Variants in ARHGAP15 observed in about 807,000 individuals in gnomAD.
ARHGAP15 encodes Rho GTPase activating protein 15.
A neutral mutation model predicts 63.7 loss-of-function variants in ARHGAP15; 51 were observed. The observed-to-expected ratio is 0.80, with a 90% CI of 0.64 to 1.01. The LOEUF is 1.01. Among genes scored for constraint, ARHGAP15 ranks in the 50% least tolerant of loss-of-function variants. The probability of loss-of-function intolerance (pLI) is 0.00; values close to 1 mark genes in which losing one functional copy is unlikely to be tolerated. For missense variants in ARHGAP15, 560 were observed against 564.6 expected (o/e 0.99, Z 0.08); for synonymous variants, 191 against 193.8 (o/e 0.99, Z 0.12).
intron 11 of ARHGAP15, among the ~76,000 whole-genome samples, chr2:143,619,363 G>A (rs759523138): frequency 7.2e-5 from 11 of 152,110 alleles, no homozygotes; most frequent in Non-Finnish European, 1.3e-4. Flanking sequence ...CAACATTTAG[G>A]TTGTGTGTGT....
chr2:143,129,516 G>A (rs933461837), intron 1 of ARHGAP15, 50 bp downstream of exon 1: 2 of 152,064 alleles, frequency 1.3e-5, no homozygotes, highest in African/African-American at 2.4e-5. Flanking sequence ...GAACATGTTC[G>A]GCAGAGTTTC....
intron 5 of ARHGAP15, among the ~76,000 whole-genome samples, chr2:143,245,790 A>AAGG (rs1694026545): frequency 6.6e-6 from 1 of 152,186 alleles, no homozygotes; most frequent in Non-Finnish European, 1.5e-5. Flanking sequence ...CCTTGGGCAG[A>AAGG]AGGAGTATCT....
intron 13 of ARHGAP15, among the ~76,000 whole-genome samples, chr2:143,710,206 G>A (rs1684519414): frequency 6.6e-6 from 1 of 151,858 alleles, no homozygotes; most frequent in Non-Finnish European, 1.5e-5. Flanking sequence ...TGAGTTGTTT[G>A]AAATAAGCCA....
chr2:143,718,618 A>G (rs1330614312), intron 13 of ARHGAP15, among the ~76,000 whole-genome samples: 1 of 151,978 alleles, frequency 6.6e-6, no homozygotes, highest in Non-Finnish European at 1.5e-5. Flanking sequence ...TCTATATCCT[A>G]CCCATATTCT....
At chr2:143,669,677 A>G (rs899125110) in intron 12 of ARHGAP15, among the ~76,000 whole-genome samples, 1 of 152,184 alleles carries the variant, frequency 6.6e-6, no homozygotes, top group Non-Finnish European at 1.5e-5. Context: ...CACTAATCCC[A>G]TTACCTAATT....
intron 8 of ARHGAP15, among the ~76,000 whole-genome samples, chr2:143,470,554 G>A (rs1691469391): frequency 1.3e-5 from 2 of 149,828 alleles, no homozygotes; most frequent in South Asian, 4.2e-4. Context: ...TTCATTCTGG[G>A]AAATAGCATA....
intron 11 of ARHGAP15, among the ~76,000 whole-genome samples, chr2:143,612,697 G>A (rs997703404): frequency 2.0e-5 from 3 of 152,322 alleles, no homozygotes; most frequent in South Asian, 2.1e-4. Context: ...AGTGAGGCCC[G>A]ATTTGGAGTT....
intron 13 of ARHGAP15, among the ~76,000 whole-genome samples, chr2:143,736,772 G>C (rs1360495375): frequency 6.6e-6 from 1 of 152,180 alleles, no homozygotes; most frequent in East Asian, 1.9e-4. Flanking sequence ...GGAAATGATA[G>C]CTGGAAGCTA....
In ARHGAP15 at chr2:143,318,103, A is replaced by G. The variant is rs929155990; in HGVS notation, c.474+67503A>G. 3.9e-5 allele frequency among the ~76,000 whole-genome samples: 6 copies of G among 152,004 alleles called. No individual in the cohort carries two copies. In the East Asian group the frequency reaches 1.2e-3, roughly 29 times the overall value. On this transcript the variant is annotated intron_variant, in intron 6 of 13. Coordinates refer to ENST00000295095, the MANE Select transcript of ARHGAP15 (RefSeq NM_018460.4). Reference sequence around the variant, plus strand: ...AACCTCCGCCTCCCGGGTTCAAGCAATTCTCTTGCCCCAGCCTCTCGAGTA... The same window carrying G: ...AACCTCCGCCTCCCGGGTTCAAGCAGTTCTCTTGCCCCAGCCTCTCGAGTA...
chr2:143,745,283 G>A (rs1325425058), intron 13 of ARHGAP15, among the ~76,000 whole-genome samples: 3 of 152,150 alleles, frequency 2.0e-5, no homozygotes, highest in Non-Finnish European at 2.9e-5. Flanking sequence ...AACCCATGTT[G>A]ACATAACTGA....
chr2:143,729,970 C>T (rs1457292293), intron 13 of ARHGAP15, among the ~76,000 whole-genome samples: 4 of 151,990 alleles, frequency 2.6e-5, no homozygotes, highest in African/African-American at 2.4e-5. Flanking sequence ...GGTAAGACCA[C>T]AGAGGAGTCC....
intron 12 of ARHGAP15, among the ~76,000 whole-genome samples, chr2:143,702,281 G>A (rs1410064712): frequency 1.3e-5 from 2 of 152,118 alleles, no homozygotes; most frequent in Non-Finnish European, 2.9e-5. Flanking sequence ...ATTCCCTAGT[G>A]TACTAAGTAA....
chr2:143,587,729 C>T lies in ARHGAP15; in HGVS notation c.1003+31244C>T, dbSNP rs116027379. ...CCCTTCTATCAGAACTGGATGGAGA[C>T]CTGTGGACACCCCTAGTAAGCTGCA... On this transcript the variant is annotated intron_variant, in intron 11 of 13. Coordinates refer to ENST00000295095, the MANE Select transcript of ARHGAP15 (RefSeq NM_018460.4). 2,439 of 470,672 alleles carry T rather than the reference C, an allele frequency of 5.2e-3. 55 individuals carry two copies. The highest frequency in any genetic ancestry group is 0.045 in the African/African-American group (2,263 of 50,124). 29.2% of individuals were successfully genotyped at this position (470,672 alleles called of 1,614,324 possible). A position where few individuals can be genotyped will look rare whatever the true frequency, so the allele number is the denominator to read the frequency against.
chr2:143,206,535 A>T (rs556433632), intron 3 of ARHGAP15, among the ~76,000 whole-genome samples: 1 of 152,236 alleles, frequency 6.6e-6, no homozygotes, highest in African/African-American at 2.4e-5. Flanking sequence ...AATTTGAATT[A>T]GATAGCCCTT....
intron 1 of ARHGAP15, among the ~76,000 whole-genome samples, chr2:143,151,874 T>C (rs1231715056): frequency 1.3e-5 from 2 of 151,856 alleles, no homozygotes; most frequent in East Asian, 3.9e-4. Flanking sequence ...GAGGAAATCG[T>C]CTCTGAACCC....
At chr2:143,483,214 T>C (rs1692155730) in intron 8 of ARHGAP15, among the ~76,000 whole-genome samples, 1 of 152,214 alleles carries the variant, frequency 6.6e-6, no homozygotes, top group East Asian at 1.9e-4. Context: ...TATACATATA[T>C]ATCTCTCTAA....
chr2:143,466,176 G>C (rs868396740), intron 8 of ARHGAP15, among the ~76,000 whole-genome samples: 17 of 151,968 alleles, frequency 1.1e-4, no homozygotes, highest in South Asian at 6.2e-4. Context: ...TATTTTGATT[G>C]GCTATTGTAT....
At chr2:143,190,804 C>T (rs557458927) in intron 2 of ARHGAP15, among the ~76,000 whole-genome samples, 5 of 152,286 alleles carry the variant, frequency 3.3e-5, no homozygotes, top group Admixed American at 3.3e-4. Context: ...CCTTCATCCC[C>T]ACAACTGCAC....
At chr2:143,622,000 T>TTGTG (rs376130498) in intron 11 of ARHGAP15, among the ~76,000 whole-genome samples, 137 of 150,690 alleles carry the variant, frequency 9.1e-4, no homozygotes, top group South Asian at 1.9e-3. Context: ...GTAGAGATAG[T>TTGTG]TGTGTGTGTG....
Sources: gnomAD v4.1 joint callset for allele counts (sites outside exome capture counted in the v4.1 genomes callset) on GRCh38, gnomAD v4.1.1 for gene constraint, MANE v1.5 for transcripts, NCBI Gene and HGNC (gene_info 2026-07-23, HGNC 2026-07-21) for gene names.